Variants in ZC3H11A observed in about 807,000 individuals in gnomAD.
The protein encoded by ZC3H11A is zinc finger CCCH-type containing 11A.
In ZC3H11A, 22 loss-of-function variants were observed where a neutral mutation model predicts 90.8. The observed-to-expected ratio is 0.24, with a 90% confidence interval of 0.17 to 0.35. The LOEUF is 0.35. ZC3H11A is among the 10% of genes least tolerant of loss of function. The probability of loss-of-function intolerance (pLI) is 1.00; values close to 1 mark genes in which losing one functional copy is unlikely to be tolerated. For missense variants in ZC3H11A, 701 were observed against 964.9 expected (o/e 0.73, Z 3.62); for synonymous variants, 294 against 339.8 (o/e 0.87, Z 1.48).
Position 203,849,648 on chromosome 1 carries a change from C to G in ZC3H11A, c.1624-63C>G, listed in dbSNP as rs1024118617. The G allele has an allele frequency of 8.7e-6, 13 of 1,497,044 alleles. No homozygotes were observed. In the African/African-American group the frequency reaches 1.7e-4, roughly 19 times the overall value. The allele number at this position is 1,497,044 out of a possible 1,614,324, so 92.7% of individuals were successfully genotyped here. On this transcript the variant is annotated intron_variant, in intron 14 of 17. Coordinates refer to ENST00000367210, the MANE Select transcript of ZC3H11A (RefSeq NM_001376342.1). Reference sequence around the variant, plus strand: ...GCTTAACTTAGATGTTAGCCTGGTACTTACATCATACAGGTTATTAGAGGT... The same window carrying G: ...GCTTAACTTAGATGTTAGCCTGGTAGTTACATCATACAGGTTATTAGAGGT...
At chr1:203,797,251 T>G (rs1023940621) in intron 1 of ZC3H11A, 1 of 237,164 alleles carries the variant, frequency 4.2e-6, no homozygotes, top group Non-Finnish European at 8.1e-6. Flanking sequence ...TTCTTACTTC[T>G]GTAACATGAG....
At chr1:203,833,704 T>C (rs1683256349) in intron 9 of ZC3H11A, 87 bp from the exon 10 acceptor site, 1 of 1,033,826 alleles carries the variant, frequency 9.7e-7, no homozygotes, top group Non-Finnish European at 1.3e-6. Flanking sequence ...TTTACACTAA[T>C]ATCAGAACAT....
chr1:203,835,420 A>G (rs1683977834), intron 10 of ZC3H11A, among the ~76,000 whole-genome samples: 1 of 152,220 alleles, frequency 6.6e-6, no homozygotes, highest in Admixed American at 6.5e-5. Context: ...CATTTACGAA[A>G]AAAGCTTAGA....
At chr1:203,804,152 GTTT>G (rs74546279) in intron 2 of ZC3H11A, among the ~76,000 whole-genome samples, 41 of 105,138 alleles carry the variant, frequency 3.9e-4, no homozygotes, top group Admixed American at 2.6e-3. Flanking sequence ...CTGTATATGT[GTTT>G]TTTTTTTTTT....
intron 3 of ZC3H11A, among the ~76,000 whole-genome samples, chr1:203,818,214 C>T (rs1037868068): frequency 6.6e-6 from 1 of 151,224 alleles, no homozygotes; most frequent in African/African-American, 2.4e-5. Context: ...ATTCTATTTA[C>T]TTTCTGATTT....
intron 11 of ZC3H11A, among the ~76,000 whole-genome samples, chr1:203,838,472 G>A (rs1685059655): frequency 6.6e-6 from 1 of 152,252 alleles, no homozygotes; most frequent in African/African-American, 2.4e-5. Context: ...TCGAGAGCCA[G>A]AGACTGTGTC....
At chr1:203,836,524 T>C (rs1390462331) in intron 10 of ZC3H11A, among the ~76,000 whole-genome samples, 1 of 152,076 alleles carries the variant, frequency 6.6e-6, no homozygotes, top group African/African-American at 2.4e-5. Flanking sequence ...CTGAGGCAGG[T>C]GGATCACAAG....
chr1:203,817,145 A>G, intron 3 of ZC3H11A, 21 bp downstream of exon 3: 1 of 1,582,694 alleles, frequency 6.3e-7, no homozygotes, highest in African/African-American at 1.4e-5. Context: ...ACATCTTTAA[A>G]TCAGTTCTTT....
In ZC3H11A at chr1:203,847,628, C is replaced by T. The variant is rs777641508; in HGVS notation, c.1487C>T (p.Pro496Leu). 24 of 1,613,296 alleles carry T rather than the reference C, an allele frequency of 1.5e-5. No homozygotes were observed. The highest frequency in any genetic ancestry group is 1.2e-4 in the South Asian group (11 of 91,072). Residue 496 changes from proline to leucine, a missense_variant, in exon 13 of 18, where the codon CCG becomes CTG. Physicochemically the swap from Pro to Leu is moderately conservative, Grantham distance 98 (BLOSUM62 -3). This residue lies in a region of ZC3H11A where 530 missense variants were observed against 696.2 expected (regional missense o/e 0.76). Coordinates refer to ENST00000367210, the MANE Select transcript of ZC3H11A (RefSeq NM_001376342.1). ...AGCTCTGAGAGCAGCACCAGCTCCC[C>T]GTCTCAACACGAGGCCACTCCAGGG... is the stretch of plus-strand genomic sequence containing the variant. ...QQSSESSTSSPSQHEATPGAR... is the reference protein window; with the variant it reads ...QQSSESSTSSLSQHEATPGAR...
chr1:203,815,439 G>A (rs113403740), intron 2 of ZC3H11A, among the ~76,000 whole-genome samples: 3 of 142,468 alleles, frequency 2.1e-5, no homozygotes, highest in African/African-American at 7.9e-5. Flanking sequence ...GGCTGGTCTC[G>A]AACTCCTGGA....
intron 15 of ZC3H11A, 178 bp from the exon 16 acceptor site, chr1:203,850,337 C>T (rs1572379699): frequency 2.3e-6 from 2 of 875,206 alleles, no homozygotes; most frequent in East Asian, 2.5e-5. Context: ...ACATGGTGAC[C>T]ACCTGTAGTG....
intron 10 of ZC3H11A, among the ~76,000 whole-genome samples, chr1:203,836,117 G>A (rs1304060230): frequency 6.6e-6 from 1 of 152,154 alleles, no homozygotes; most frequent in Non-Finnish European, 1.5e-5. Flanking sequence ...GTATGGTGGT[G>A]CATGCCTGTC....
chr1:203,795,901 A>G (rs1446601241), intron 1 of ZC3H11A, 107 bp downstream of exon 1: 1 of 151,224 alleles, frequency 6.6e-6, no homozygotes, highest in East Asian at 2.0e-4. Flanking sequence ...GTCGCGGCCT[A>G]TCCCGGGAAG....
intron 10 of ZC3H11A, chr1:203,834,177 T>C (rs1683423646): frequency 1.5e-5 from 10 of 673,966 alleles, no homozygotes; most frequent in African/African-American, 1.9e-5. Flanking sequence ...TTGGTTAATA[T>C]AATGTGTGTC....
chr1:203,845,782 T>C (rs370818337), intron 12 of ZC3H11A, among the ~76,000 whole-genome samples: 1 of 152,092 alleles, frequency 6.6e-6, no homozygotes, highest in Admixed American at 6.5e-5. Flanking sequence ...GAGAATCACT[T>C]GAACCCAGGA....
intron 1 of ZC3H11A, chr1:203,797,763 C>A (rs1435737047): frequency 3.3e-6 from 5 of 1,535,452 alleles, no homozygotes; most frequent in Non-Finnish European, 4.4e-6. Context: ...AAAATTGATT[C>A]TTGCCAAAAA....
At chr1:203,829,376 T>G in intron 5 of ZC3H11A, 75 bp from the exon 6 acceptor site, 1 of 1,454,272 alleles carries the variant, frequency 6.9e-7, no homozygotes. Context: ...ATAGTTTTCA[T>G]AGGTGGTCAG....
At chr1:203,829,429 A>G in intron 5 of ZC3H11A, 22 bp from the exon 6 acceptor site, 2 of 1,613,586 alleles carry the variant, frequency 1.2e-6, no homozygotes, top group South Asian at 1.1e-5. Flanking sequence ...TTTTTAATTT[A>G]TGACTGATTT....
intron 11 of ZC3H11A, 121 bp from the exon 12 acceptor site, chr1:203,840,185 T>G (rs2103228496): frequency 1.1e-6 from 1 of 881,160 alleles, no homozygotes; most frequent in Non-Finnish European, 1.8e-6. Flanking sequence ...GTGATCAGCC[T>G]GCCTTGGCCT....
Sources: allele counts gnomAD v4.1 joint callset (sites outside exome capture counted in the v4.1 genomes callset), GRCh38; gene constraint gnomAD v4.1.1; regional missense constraint gnomAD v4.1.1; transcripts MANE v1.5; gene names NCBI Gene and HGNC (gene_info 2026-07-23, HGNC 2026-07-21).